CNTN5: variants seen among roughly 807,000 people sequenced by gnomAD.
The protein encoded by CNTN5 is contactin-5.
In CNTN5, 77 loss-of-function variants were observed where a neutral mutation model predicts 129.1. That is an observed-to-expected ratio of 0.60 (90% CI 0.50 to 0.72). The LOEUF is 0.72. Ranked by LOEUF, CNTN5 falls within the 30% of genes least tolerant of loss-of-function variation. The pLI, the probability that CNTN5 is intolerant of heterozygous loss-of-function variation, is 0.00. For synonymous variants in CNTN5, 509 were observed against 465.6 expected (o/e 1.09, Z -1.20); for missense variants, 1,478 against 1,328.8 (o/e 1.11, Z -1.75).
intron 1 of CNTN5, among the ~76,000 whole-genome samples, chr11:99,274,239 C>G (rs907672990): frequency 1.3e-5 from 2 of 151,830 alleles, no homozygotes; most frequent in South Asian, 4.1e-4. Flanking sequence ...CTATTACTTT[C>G]TCTTGTTTAA....
intron 2 of CNTN5, among the ~76,000 whole-genome samples, chr11:99,412,052 T>G (rs1271096783): frequency 6.6e-6 from 1 of 152,200 alleles, no homozygotes; most frequent in Non-Finnish European, 1.5e-5. Flanking sequence ...GAAATGAAGC[T>G]TTTAAATAAT....
intron 1 of CNTN5, among the ~76,000 whole-genome samples, chr11:99,264,471 TG>T (rs1862793148): frequency 6.6e-6 from 1 of 152,000 alleles, no homozygotes; most frequent in African/African-American, 2.4e-5. Flanking sequence ...ATGCTATATT[TG>T]GGGATCTATA....
At chr11:99,183,405 T>C (rs1457020881) in intron 1 of CNTN5, among the ~76,000 whole-genome samples, 1 of 152,112 alleles carries the variant, frequency 6.6e-6, no homozygotes, top group Non-Finnish European at 1.5e-5. Context: ...TTTGCAGAGA[T>C]CATTATAACT....
intron 9 of CNTN5, among the ~76,000 whole-genome samples, chr11:100,003,255 A>G: frequency 6.6e-6 from 1 of 152,296 alleles, no homozygotes; most frequent in Middle Eastern, 3.4e-3. Flanking sequence ...AAGTAGAAAT[A>G]AATTTCAAAA....
intron 13 of CNTN5, among the ~76,000 whole-genome samples, chr11:100,159,547 T>C (rs1346927396): frequency 6.6e-6 from 1 of 151,902 alleles, no homozygotes; most frequent in African/African-American, 2.4e-5. Context: ...ACTCCAGAGC[T>C]TGTATTTAGA....
intron 1 of CNTN5, among the ~76,000 whole-genome samples, chr11:99,106,623 T>C (rs1272132100): frequency 6.6e-6 from 1 of 152,116 alleles, no homozygotes; most frequent in Non-Finnish European, 1.5e-5. Context: ...TGTGTATATG[T>C]CACATTCTTA....
chr11:99,476,421 A>G (rs1945373637), intron 2 of CNTN5, among the ~76,000 whole-genome samples: 1 of 152,146 alleles, frequency 6.6e-6, no homozygotes, highest in South Asian at 2.1e-4. Context: ...GTAATAAAAT[A>G]TAATTCACCA....
At chr11:100,324,504 C>A (rs927778140) in intron 21 of CNTN5, among the ~76,000 whole-genome samples, 9 of 152,066 alleles carry the variant, frequency 5.9e-5, no homozygotes, top group Non-Finnish European at 1.2e-4. Flanking sequence ...TTTCTTTTCT[C>A]AATTTACAGG....
At chr11:99,504,889 T>C (rs1946561092) in intron 2 of CNTN5, among the ~76,000 whole-genome samples, 1 of 152,152 alleles carries the variant, frequency 6.6e-6, no homozygotes, top group Admixed American at 6.5e-5. Context: ...GAAACCATAG[T>C]TTATTGCTCT....
intron 1 of CNTN5, among the ~76,000 whole-genome samples, chr11:99,131,225 G>A (rs11534466): frequency 7.4e-6 from 1 of 135,056 alleles, no homozygotes; most frequent in Non-Finnish European, 1.5e-5. Context: ...TCCAGCCTGG[G>A]TGACAGAGTG....
chr11:99,025,761 ATAG>A (rs1314532525), intron 1 of CNTN5, among the ~76,000 whole-genome samples: 1 of 151,746 alleles, frequency 6.6e-6, no homozygotes, highest in East Asian at 1.9e-4. Context: ...TATCATATAA[ATAG>A]TAGAGAAATG....
chr11:99,759,340 T>G (rs1944502487), intron 3 of CNTN5, among the ~76,000 whole-genome samples: 1 of 152,074 alleles, frequency 6.6e-6, no homozygotes, highest in Non-Finnish European at 1.5e-5. Context: ...GTACTTATTT[T>G]CAGCCATGAC....
chr11:99,143,339 A>G (rs11605712), intron 1 of CNTN5, among the ~76,000 whole-genome samples: 2 of 83,448 alleles, frequency 2.4e-5, no homozygotes, highest in Non-Finnish European at 6.2e-5. Context: ...ATATATATGT[A>G]TGTGTGTATA....
At chr11:99,680,030 A>G (rs542827332) in intron 3 of CNTN5, among the ~76,000 whole-genome samples, 83 of 152,296 alleles carry the variant, frequency 5.4e-4, no homozygotes, top group African/African-American at 1.9e-3. Context: ...TTGAATCCTG[A>G]GAGAGATGAG....
At chr11:99,584,505 T>C (rs1358551079) in intron 3 of CNTN5, among the ~76,000 whole-genome samples, 1 of 152,208 alleles carries the variant, frequency 6.6e-6, no homozygotes, top group Non-Finnish European at 1.5e-5. Flanking sequence ...GCAAAAGCAA[T>C]GGTGAGAAAA....
chr11:99,675,607 C>T (rs1489898958), intron 3 of CNTN5, among the ~76,000 whole-genome samples: 4 of 152,090 alleles, frequency 2.6e-5, no homozygotes, highest in Admixed American at 6.6e-5. Flanking sequence ...GTTGCTTTAA[C>T]CTGGGAGGTG....
chr11:99,970,701 G>C (rs144602763), intron 8 of CNTN5, among the ~76,000 whole-genome samples: 212 of 152,296 alleles, frequency 1.4e-3, no homozygotes, highest in Non-Finnish European at 1.7e-3. Context: ...ATTGCAGTCA[G>C]AAACTACTTT....
intron 2 of CNTN5, among the ~76,000 whole-genome samples, chr11:99,517,656 A>G (rs554364809): frequency 6.6e-4 from 101 of 152,072 alleles, no homozygotes; most frequent in African/African-American, 2.4e-3. Context: ...CCACCTCAAA[A>G]TTTCTGCCAG....
At chr11:99,935,483 G>A (rs1950296238) in intron 7 of CNTN5, among the ~76,000 whole-genome samples, 1 of 151,782 alleles carries the variant, frequency 6.6e-6, no homozygotes, top group Admixed American at 6.6e-5. Flanking sequence ...TCTCTAATCT[G>A]ATACTAGAAA....
Sources: gnomAD v4.1 joint callset for allele counts (sites outside exome capture counted in the v4.1 genomes callset) on GRCh38, gnomAD v4.1.1 for gene constraint, MANE v1.5 for transcripts, NCBI Gene and HGNC (gene_info 2026-07-23, HGNC 2026-07-21) for gene names.